The following DTNB variants were observed in gnomAD, a reference collection of about 807,000 sequenced individuals.
The protein encoded by DTNB is dystrobrevin beta.
A neutral mutation model predicts 90.7 loss-of-function variants in DTNB; 63 were observed. That is an observed-to-expected ratio of 0.69 (90% CI 0.57 to 0.86). The LOEUF (loss-of-function observed/expected upper bound fraction) is 0.86. DTNB is among the 40% of genes least tolerant of loss of function. The probability of loss-of-function intolerance (pLI) is 0.00; values close to 1 mark genes in which losing one functional copy is unlikely to be tolerated. For missense variants in DTNB, 744 were observed against 807.1 expected, an observed-to-expected ratio of 0.92 and a Z score of 0.95; for synonymous variants, 277 against 286.7, an observed-to-expected ratio of 0.97 and a Z score of 0.34.
chr2:25,539,852 T>G (rs1460963595), intron 8 of DTNB, among the ~76,000 whole-genome samples: 1 of 152,218 alleles, frequency 6.6e-6, no homozygotes, highest in East Asian at 1.9e-4. Flanking sequence ...CTCTTCACTT[T>G]TCATATTTAA....
Position 25,550,496 on chromosome 2 carries a change from G to T in DTNB, c.877-18899C>A, listed in dbSNP as rs146990655. ...GCACTTGAATTTCAATTCTTTTGAAGACCATCAGTCTTTTCTCTCCAGTGT... is the reference window on the plus strand; with the variant it reads ...GCACTTGAATTTCAATTCTTTTGAATACCATCAGTCTTTTCTCTCCAGTGT... On this transcript the variant is annotated intron_variant, in intron 8 of 20. Transcript: ENST00000406818. Among the ~76,000 whole-genome samples the T allele has an allele frequency of 8.9e-4, 136 of 152,212 alleles. 2 individuals carry two copies. The highest frequency in any genetic ancestry group is 1.5e-3 in the Non-Finnish European group (99 of 68,008).
At chr2:25,663,953 T>G (rs2083791836) in intron 1 of DTNB, among the ~76,000 whole-genome samples, 1 of 152,232 alleles carries the variant, frequency 6.6e-6, no homozygotes, top group South Asian at 2.1e-4. Flanking sequence ...AATGTATTAT[T>G]AACCTTAATA....
chr2:25,658,378 G>A (rs1374920693), intron 1 of DTNB, among the ~76,000 whole-genome samples: 1 of 152,106 alleles, frequency 6.6e-6, no homozygotes, highest in East Asian at 1.9e-4. Context: ...TTCTTATAAA[G>A]CTAATCAGTC....
At chr2:25,607,418 T>C (rs1374342173) in intron 4 of DTNB, 97 bp from the exon 5 acceptor site, 15 of 1,131,246 alleles carry the variant, frequency 1.3e-5, no homozygotes, top group Non-Finnish European at 1.7e-5. Context: ...AGTTGATTCC[T>C]GACCTTGTCT....
chr2:25,414,833 G>A lies in DTNB; in HGVS notation c.1575+4682C>T, dbSNP rs553752827. ...AGGCAGAAATGGTCCTTTAATTGCCGTCTGATGATGATTATAGGCCTAAGT... is the reference window on the plus strand; with the variant it reads ...AGGCAGAAATGGTCCTTTAATTGCCATCTGATGATGATTATAGGCCTAAGT... On this transcript the variant is annotated intron_variant, in intron 16 of 20. Transcript: ENST00000406818. Among the ~76,000 whole-genome samples, 10 of 152,190 alleles carry A rather than the reference G, an allele frequency of 6.6e-5. No individual in the cohort carries two copies. In the East Asian group the frequency reaches 1.2e-3, roughly 18 times the overall value.
intron 16 of DTNB, among the ~76,000 whole-genome samples, chr2:25,402,508 C>T (rs2043986756): frequency 6.6e-6 from 1 of 152,026 alleles, no homozygotes; most frequent in African/African-American, 2.4e-5. Flanking sequence ...TAAAGATGAA[C>T]TTGGCTTCTA....
At chr2:25,409,821 A>C (rs921150128) in intron 16 of DTNB, among the ~76,000 whole-genome samples, 1 of 151,966 alleles carries the variant, frequency 6.6e-6, no homozygotes, top group Non-Finnish European at 1.5e-5. Flanking sequence ...TTCAATCCTC[A>C]TTTTGTGTTG....
At chr2:25,518,307 A>C (rs2075503577) in intron 9 of DTNB, among the ~76,000 whole-genome samples, 1 of 152,220 alleles carries the variant, frequency 6.6e-6, no homozygotes, top group South Asian at 2.1e-4. Context: ...GGATAATGGC[A>C]AACAGGGTGA....
At chr2:25,567,187 GCA>G (rs1411463616) in intron 8 of DTNB, among the ~76,000 whole-genome samples, 4 of 152,170 alleles carry the variant, frequency 2.6e-5, no homozygotes, top group African/African-American at 9.7e-5. Context: ...TTTGTACTTT[GCA>G]CAAAGTTAAT....
chr2:25,607,284 C>T lies in DTNB; in HGVS notation c.400G>A (p.Ala134Thr), dbSNP rs756143344. Residue 134 changes from alanine (A) to threonine (T), a missense_variant, in exon 5 of 21, where the codon GCT (alanine) becomes ACT (threonine). By Grantham distance (58) the Ala-to-Thr change is moderately conservative (BLOSUM62 0). Coordinates refer to ENST00000406818, the MANE Select transcript of DTNB (RefSeq NM_021907.5). ...RGKLTVFSVK[A>T]MLATMCGGKM... ...CCACCACACATGGTTGCTAACATAG[C>T]TTTAACTGAAAATACCGTCAACTTG... 59 of 1,607,646 alleles carry T rather than the reference C, an allele frequency of 3.7e-5. 1 individual carries two copies. Among genetic ancestry groups the T allele is most frequent in the Non-Finnish European group, 4.4e-5 (52 of 1,176,998 alleles).
intron 10 of DTNB, among the ~76,000 whole-genome samples, chr2:25,459,325 C>T (rs1423355365): frequency 1.3e-5 from 2 of 151,962 alleles, no homozygotes; most frequent in Non-Finnish European, 2.9e-5. Flanking sequence ...CCTCTCGGTG[C>T]TCCACTCTGG....
At chr2:25,398,034 CAG>C (rs2042852259) in intron 16 of DTNB, among the ~76,000 whole-genome samples, 1 of 152,186 alleles carries the variant, frequency 6.6e-6, no homozygotes, top group Non-Finnish European at 1.5e-5. Flanking sequence ...GACCGCACAT[CAG>C]AGTCATAGGA....
intron 6 of DTNB, among the ~76,000 whole-genome samples, chr2:25,590,810 G>A (rs2063417948): frequency 6.6e-6 from 1 of 152,204 alleles, no homozygotes; most frequent in African/African-American, 2.4e-5. Context: ...CGACCCCCAG[G>A]CTTCAGGCCC....
intron 2 of DTNB, among the ~76,000 whole-genome samples, chr2:25,646,992 A>G (rs1448268846): frequency 6.6e-6 from 1 of 152,266 alleles, no homozygotes; most frequent in East Asian, 1.9e-4. Context: ...AAAGACTGCC[A>G]TATTAGTTTT....
intron 13 of DTNB, 46 bp downstream of exon 13, chr2:25,433,864 T>A: frequency 6.2e-7 from 1 of 1,601,126 alleles, no homozygotes; most frequent in Non-Finnish European, 8.5e-7. Context: ...GATACGCACG[T>A]GATAATCCTG....
chr2:25,492,812 T>C (rs1359192708), intron 9 of DTNB, among the ~76,000 whole-genome samples: 1 of 151,738 alleles, frequency 6.6e-6, no homozygotes, highest in African/African-American at 2.4e-5. Flanking sequence ...ATCACATCAC[T>C]GCACTCCAGA....
intron 1 of DTNB, among the ~76,000 whole-genome samples, chr2:25,663,920 A>G (rs2083787169): frequency 6.6e-6 from 1 of 152,206 alleles, no homozygotes; most frequent in Non-Finnish European, 1.5e-5. Flanking sequence ...TTTTATTCCT[A>G]AACCTCAAAA....
intron 9 of DTNB, among the ~76,000 whole-genome samples, chr2:25,516,935 A>C (rs1181027681): frequency 6.6e-6 from 1 of 152,194 alleles, no homozygotes. Context: ...GCACTGCATG[A>C]CTCAGCAGTT....
At chr2:25,606,361 T>TA (rs1028564219) in intron 5 of DTNB, among the ~76,000 whole-genome samples, 33 of 152,178 alleles carry the variant, frequency 2.2e-4, no homozygotes, top group Non-Finnish European at 1.3e-4. Context: ...CTGAACACTG[T>TA]ACTGAAATTA....
Sources: gnomAD v4.1 joint callset for allele counts (sites outside exome capture counted in the v4.1 genomes callset) on GRCh38, gnomAD v4.1.1 for gene constraint, MANE v1.5 for transcripts, NCBI Gene and HGNC (gene_info 2026-07-23, HGNC 2026-07-21) for gene names.